Variants in TNS1 observed in about 807,000 individuals in gnomAD.
The protein encoded by TNS1 is tensin 1.
TNS1 carries 62 observed loss-of-function variants against 168.6 expected under a neutral mutation model. The ratio of observed to expected loss-of-function variants is 0.37; its 90% CI spans 0.30 to 0.45. The LOEUF is 0.45. TNS1 is among the 20% of genes least tolerant of loss of function. The pLI is 1.00. For synonymous variants in TNS1, 934 were observed against 933.2 expected (o/e 1.00, Z -0.02); for missense variants, 2,240 against 2,339.4 (o/e 0.96, Z 0.88).
At chr2:217,978,577 G>A (rs1430162824) in intron 3 of TNS1, 188 bp downstream of exon 3, 1 of 3,334 alleles carries the variant, frequency 3.0e-4, no homozygotes, top group Non-Finnish European at 5.8e-4. Context: ...CCCTGCCCCC[G>A]CCCCCGGGCC....
chr2:217,875,783 G>A (rs1950156725), intron 18 of TNS1, among the ~76,000 whole-genome samples: 1 of 152,226 alleles, frequency 6.6e-6, no homozygotes, highest in Non-Finnish European at 1.5e-5. Context: ...CACTTGGGGA[G>A]TGGATGGGCA....
At chr2:217,962,611 CA>C (rs1312075453) in intron 3 of TNS1, among the ~76,000 whole-genome samples, 1 of 152,048 alleles carries the variant, frequency 6.6e-6, no homozygotes, top group Non-Finnish European at 1.5e-5. Flanking sequence ...TGGAATAAAT[CA>C]GTAAAATGGG....
chr2:217,852,955 T>C (rs954162572), intron 18 of TNS1, among the ~76,000 whole-genome samples: 7 of 152,248 alleles, frequency 4.6e-5, no homozygotes, highest in Non-Finnish European at 7.4e-5. Context: ...CCCAGGCTGA[T>C]CCCAGGCCTG....
At chr2:217,899,497 C>A (rs1316206324) in intron 7 of TNS1, among the ~76,000 whole-genome samples, 2 of 152,282 alleles carry the variant, frequency 1.3e-5, no homozygotes, top group East Asian at 3.9e-4. Flanking sequence ...ATCCCCTCCT[C>A]CCCATCCTCC....
chr2:217,970,930 A>G (rs1957761009), intron 3 of TNS1, among the ~76,000 whole-genome samples: 1 of 152,032 alleles, frequency 6.6e-6, no homozygotes, highest in South Asian at 2.1e-4. Flanking sequence ...ACCAGGAAAG[A>G]AAGCCCTCAA....
intron 1 of TNS1, among the ~76,000 whole-genome samples, chr2:217,994,102 G>A (rs1338262419): frequency 2.0e-5 from 3 of 150,990 alleles, no homozygotes; most frequent in Non-Finnish European, 4.4e-5. Flanking sequence ...CCTGGGTTCT[G>A]ATATTCCAGA....
At chr2:218,005,262 A>G (rs1163469358), upstream of TNS1, among the ~76,000 whole-genome samples, 1 of 152,140 alleles carries the variant, frequency 6.6e-6, no homozygotes, top group African/African-American at 2.4e-5. Flanking sequence ...GGAAAATCAA[A>G]CCAAAAACCA....
intron 18 of TNS1, among the ~76,000 whole-genome samples, chr2:217,876,029 C>A (rs1950174687): frequency 6.6e-6 from 1 of 152,208 alleles, no homozygotes; most frequent in Non-Finnish European, 1.5e-5. Context: ...CCTGAGAAAT[C>A]TACTTTCTGA....
intron 4 of TNS1, 148 bp downstream of exon 4, chr2:217,920,047 C>A: frequency 3.0e-6 from 2 of 656,838 alleles, no homozygotes; most frequent in South Asian, 3.3e-5. Context: ...CCCAGGCCCG[C>A]TTCGGCCCAG....
chr2:217,915,881 T>C (rs1227406478), intron 4 of TNS1, among the ~76,000 whole-genome samples: 1 of 152,146 alleles, frequency 6.6e-6, no homozygotes, highest in Admixed American at 6.5e-5. Flanking sequence ...GAGGTCCCAA[T>C]GGCCCCACGT....
At chr2:217,996,189 C>G (rs1469979771) in intron 1 of TNS1, among the ~76,000 whole-genome samples, 1 of 152,184 alleles carries the variant, frequency 6.6e-6, no homozygotes, top group Admixed American at 6.5e-5. Flanking sequence ...CTCCCACAAG[C>G]CTTCCTGTGG....
chr2:217,976,626 A>C (rs1272799851), intron 3 of TNS1, among the ~76,000 whole-genome samples: 2 of 152,214 alleles, frequency 1.3e-5, no homozygotes. Context: ...CCCCCAGCAC[A>C]CGTGAGAGAC....
rs1290747431 is a variant in TNS1, at chr2:217,803,068, A to AG, written c.*1390dup. 1.3e-5 allele frequency: 2 copies of AG among 152,556 alleles called. No individual in the cohort carries two copies. Among genetic ancestry groups the AG allele is most frequent in the Admixed American group, 1.3e-4 (2 of 15,286 alleles). The allele number at this position is 152,556 out of a possible 1,614,324, so 9.5% of individuals were successfully genotyped here. On this transcript the variant is annotated 3_prime_UTR_variant, in exon 33 of 33. Transcript: ENST00000682258. ...CTCAGCTAGGGAAACCAAGGCAGAA[A>AG]GGGTGACAGTGAGGCTTTGGCATTG...
intron 3 of TNS1, among the ~76,000 whole-genome samples, chr2:217,935,276 C>A (rs1956546461): frequency 2.0e-5 from 3 of 152,260 alleles, no homozygotes; most frequent in Non-Finnish European, 4.4e-5. Context: ...CTACTCAGAA[C>A]AGTCTGCCCA....
chr2:217,993,982 G>A (rs984214793), intron 1 of TNS1, among the ~76,000 whole-genome samples: 1 of 152,182 alleles, frequency 6.6e-6, no homozygotes, highest in Non-Finnish European at 1.5e-5. Flanking sequence ...GGGGAGCAGA[G>A]ACAAAAGCCC....
chr2:217,830,111 G>T, intron 22 of TNS1: 1 of 583,784 alleles, frequency 1.7e-6, no homozygotes, highest in Non-Finnish European at 2.2e-6. Context: ...GGCCCACCCT[G>T]CAAAGGACCC....
At chr2:217,919,280 A>G (rs749267626) in intron 4 of TNS1, among the ~76,000 whole-genome samples, 1 of 152,198 alleles carries the variant, frequency 6.6e-6, no homozygotes, top group African/African-American at 2.4e-5. Context: ...GCAAGTCACA[A>G]CAGAGGTGTG....
chr2:217,814,107 T>C (rs376984223), intron 25 of TNS1: 7 of 216,466 alleles, frequency 3.2e-5, no homozygotes, highest in East Asian at 1.3e-4. Context: ...GCTCAAGTGA[T>C]CCTCCCACCT....
chr2:217,859,061 T>C (rs1220158734), intron 18 of TNS1, among the ~76,000 whole-genome samples: 5 of 138,222 alleles, frequency 3.6e-5, no homozygotes, highest in African/African-American at 1.4e-4. Flanking sequence ...CGGGTCCCAG[T>C]CCAGCCCAGC....
Sources: gnomAD v4.1 joint callset for allele counts (sites outside exome capture counted in the v4.1 genomes callset) on GRCh38, gnomAD v4.1.1 for gene constraint, MANE v1.5 for transcripts, NCBI Gene and HGNC (gene_info 2026-07-23, HGNC 2026-07-21) for gene names.